The following SETDB2 variants were observed in gnomAD, a reference collection of about 807,000 sequenced individuals.
The protein encoded by SETDB2 is SET domain bifurcated histone lysine methyltransferase 2.
A neutral mutation model predicts 82.5 loss-of-function variants in SETDB2; 56 were observed. That is an observed-to-expected ratio of 0.68 (90% CI 0.55 to 0.85). The LOEUF (loss-of-function observed/expected upper bound fraction) is 0.85, where lower values mean the gene tolerates loss of function less well. SETDB2 is among the 40% of genes least tolerant of loss of function. SETDB2 has a pLI of 0.00. For synonymous variants in SETDB2, 272 were observed against 284.9 expected (o/e 0.95, Z 0.46); for missense variants, 677 against 816.4 (o/e 0.83, Z 2.08).
chr13:49,448,681 A>G (rs754556784), intron 1 of SETDB2, among the ~76,000 whole-genome samples: 1 of 152,140 alleles, frequency 6.6e-6, no homozygotes, highest in Non-Finnish European at 1.5e-5. Flanking sequence ...TGGTCTCATA[A>G]TAGTTTTTGT....
In SETDB2 at chr13:49,470,927, T is replaced by G. The variant is rs148292595; in HGVS notation, c.305+2967T>G. On this transcript the variant is annotated intron_variant, in intron 5 of 13. Transcript: ENST00000611815. Reference sequence around the variant, plus strand: ...TAGGACACAGGCTTCAGGCTTTTGGTGTTTTTTTGTGGGGTTTTTTTGTTT... The same window carrying G: ...TAGGACACAGGCTTCAGGCTTTTGGGGTTTTTTTGTGGGGTTTTTTTGTTT... 8.3e-3 allele frequency among the ~76,000 whole-genome samples: 1,250 copies of G among 151,348 alleles called. 19 individuals carry two copies. Among genetic ancestry groups the G allele is most frequent in the African/African-American group, 0.026 (1,086 of 41,204 alleles).
intron 4 of SETDB2, among the ~76,000 whole-genome samples, chr13:49,463,849 G>T (rs970147356): frequency 6.6e-6 from 1 of 152,212 alleles, no homozygotes; most frequent in African/African-American, 2.4e-5. Context: ...GGAGTGCTGG[G>T]AGAGTCCCAG....
intron 11 of SETDB2, among the ~76,000 whole-genome samples, chr13:49,488,039 A>G (rs2138991699): frequency 6.6e-6 from 1 of 152,360 alleles, no homozygotes; most frequent in South Asian, 2.1e-4. Context: ...ATTGTTACGT[A>G]GTAGAAAGAA....
Position 49,491,997 on chromosome 13 carries a change from T to C in SETDB2, c.*148T>C. 1.4e-6 allele frequency: 1 copy of C among 718,066 alleles called. No homozygotes were observed. The highest frequency in any genetic ancestry group is 1.9e-5 in the Admixed American group (1 of 52,462). The allele number at this position is 718,066 out of a possible 1,614,324, so 44.5% of individuals were successfully genotyped here. A position where few individuals can be genotyped will look rare whatever the true frequency, so the allele number is the denominator to read the frequency against. The stretch of plus-strand genomic sequence containing the variant: ...TTATTTCAGATTTTATTTGTGTGAC[T>C]TAGAAATTCCAGGAACACAATTAGG... On this transcript the variant is annotated 3_prime_UTR_variant, in exon 14 of 14. Transcript: ENST00000611815.
chr13:49,460,042 T>A, intron 2 of SETDB2, 65 bp from the exon 3 acceptor site: 1 of 1,503,230 alleles, frequency 6.7e-7, no homozygotes, highest in African/African-American at 1.4e-5. Context: ...TTCTATAACA[T>A]GTTCTTAGAT....
Position 49,471,398 on chromosome 13 carries a change from TG to T in SETDB2, c.305+3439del, listed in dbSNP as rs1958238272. 2.6e-5 allele frequency among the ~76,000 whole-genome samples: 4 copies of T among 151,814 alleles called. No individual in the cohort carries two copies. In the South Asian group the frequency reaches 6.2e-4, roughly 24 times the overall value. ...TCTTTTAAAAGGATATTTACTTTTG[TG>T]ATTTTAGAAGTCTGAATTCCCTTTT... is the stretch of plus-strand genomic sequence containing the variant. On this transcript the variant is annotated intron_variant, in intron 5 of 13. Transcript: ENST00000611815.
At chr13:49,465,622 C>T (rs1021055216) in intron 4 of SETDB2, among the ~76,000 whole-genome samples, 4 of 151,878 alleles carry the variant, frequency 2.6e-5, no homozygotes, top group East Asian at 3.9e-4. Context: ...CTACAACTTC[C>T]GCCTCCCGGG....
Position 49,485,613 on chromosome 13 carries a change from T to C in SETDB2, c.1483-17T>C, listed in dbSNP as rs1461188938. The stretch of plus-strand genomic sequence containing the variant: ...GCCTGACCTGGAAAGTAAAGACATC[T>C]TCCTTGTTTTTTTAAGGAATTTGTT... On this transcript the variant is annotated splice_polypyrimidine_tract_variant and intron_variant, in intron 10 of 13. Transcript: ENST00000611815. 6.2e-7 allele frequency: 1 copy of C among 1,603,938 alleles called. No individual in the cohort carries two copies. Among genetic ancestry groups the C allele is most frequent in the South Asian group, 1.1e-5 (1 of 90,106 alleles).
rs9535246 is a variant in SETDB2, at chr13:49,444,398, C to T, written c.-801C>T. Reference sequence around the variant, plus strand: ...ACCTGCGCTCGGGAGGTTTGGGCGGCTTGGCGTCGGAGGAGAGCCCCACCC... The same window carrying T: ...ACCTGCGCTCGGGAGGTTTGGGCGGTTTGGCGTCGGAGGAGAGCCCCACCC... On this transcript the variant is annotated 5_prime_UTR_variant, in exon 1 of 14. Coordinates refer to ENST00000611815, the MANE Select transcript of SETDB2 (RefSeq NM_001160308.3). The T allele has an allele frequency of 2.5e-3, 502 of 197,284 alleles. 2 individuals carry two copies. The highest frequency in any genetic ancestry group is 4.3e-3 in the South Asian group (67 of 15,680). The allele number at this position is 197,284 out of a possible 1,614,324, so 12.2% of individuals were successfully genotyped here. A position where few individuals can be genotyped will look rare whatever the true frequency, so the allele number is the denominator to read the frequency against.
intron 5 of SETDB2, among the ~76,000 whole-genome samples, chr13:49,469,864 A>G (rs1958192008): frequency 6.6e-6 from 1 of 152,156 alleles, no homozygotes; most frequent in Non-Finnish European, 1.5e-5. Context: ...ATACTTAAAG[A>G]TGGAAAAGAC....
At position 49,476,824 on chromosome 13, in the gene SETDB2, G is replaced by A; in HGVS notation, c.654G>A (p.Leu218=). ...TTTCTTTCAATACCTATGTTCAGTTGGCTCGGAATTACCCAAAGCAAAAAG... is the reference window on the plus strand; with the variant it reads ...TTTCTTTCAATACCTATGTTCAGTTAGCTCGGAATTACCCAAAGCAAAAAG... ...DNFSFNTYVQ[L]ARNYPKQKEV... Residue 218 remains leucine, a synonymous_variant, in exon 6 of 14, where the codon TTG becomes TTA. Transcript: ENST00000611815. The A allele has an allele frequency of 6.2e-7, 1 of 1,613,970 alleles. No individual in the cohort carries two copies.
At chr13:49,451,195 G>A (rs9591262) in intron 1 of SETDB2, among the ~76,000 whole-genome samples, 7,447 of 151,046 alleles carry the variant, frequency 0.049, 278 homozygotes, top group South Asian at 0.13. Flanking sequence ...TCTTTCGTAT[G>A]TCAGGCACAT....
In SETDB2 at chr13:49,492,406, CA is replaced by C. The variant is rs1366792234; in HGVS notation, c.*559del. 2 of 153,426 alleles carry C rather than the reference CA, an allele frequency of 1.3e-5. No homozygotes were observed. Among genetic ancestry groups the C allele is most frequent in the African/African-American group, 4.8e-5 (2 of 41,454 alleles). 9.5% of individuals were successfully genotyped at this position (153,426 alleles called of 1,614,324 possible). A position where few individuals can be genotyped will look rare whatever the true frequency, so the allele number is the denominator to read the frequency against. ...CTGGATCGATAAAACACTGTCCCAT[CA>C]ACCATTTGAGTGGGGAGAGGGAGAA... On this transcript the variant is annotated 3_prime_UTR_variant, in exon 14 of 14. Coordinates refer to ENST00000611815, the MANE Select transcript of SETDB2 (RefSeq NM_001160308.3).
intron 2 of SETDB2, among the ~76,000 whole-genome samples, chr13:49,457,481 T>G (rs1171890377): frequency 6.7e-6 from 1 of 149,892 alleles, no homozygotes; most frequent in South Asian, 2.1e-4. Flanking sequence ...TTACCCAGGC[T>G]GGAGTGCAGT....
chr13:49,471,935 T>TATATATATATA (rs561242564), intron 5 of SETDB2, among the ~76,000 whole-genome samples: 146 of 99,730 alleles, frequency 1.5e-3, no homozygotes, highest in East Asian at 6.7e-3. Flanking sequence ...TATATATATA[T>TATATATATATA]TTTTTTTTTT....
intron 8 of SETDB2, 135 bp downstream of exon 8, chr13:49,481,251 G>T: frequency 1.4e-6 from 1 of 733,378 alleles, no homozygotes; most frequent in Non-Finnish European, 2.1e-6. Flanking sequence ...ATCAGAGAAA[G>T]GCAGGTAAAC....
chr13:49,458,042 A>C (rs1034812797), intron 2 of SETDB2, among the ~76,000 whole-genome samples: 2 of 152,214 alleles, frequency 1.3e-5, no homozygotes, highest in African/African-American at 4.8e-5. Context: ...GTTGATTATC[A>C]GTGAAAAACC....
At chr13:49,480,428 G>A in intron 7 of SETDB2, 93 bp downstream of exon 7, 1 of 718,960 alleles carries the variant, frequency 1.4e-6, no homozygotes. Flanking sequence ...TGTTAAATCT[G>A]GTTTAATTTG....
At chr13:49,450,099 T>C (rs1051508616) in intron 1 of SETDB2, among the ~76,000 whole-genome samples, 7 of 152,344 alleles carry the variant, frequency 4.6e-5, no homozygotes, top group African/African-American at 1.7e-4. Context: ...TACATTTTTC[T>C]GGAAACATCT....
Sources: gnomAD v4.1 joint callset for allele counts (sites outside exome capture counted in the v4.1 genomes callset) on GRCh38, gnomAD v4.1.1 for gene constraint, MANE v1.5 for transcripts, NCBI Gene and HGNC (gene_info 2026-07-23, HGNC 2026-07-21) for gene names.